Variants in ABCD4 observed in about 807,000 individuals in gnomAD.
The protein encoded by ABCD4 is lysosomal cobalamin transporter ABCD4.
A neutral mutation model predicts 86.3 loss-of-function variants in ABCD4; 53 were observed. That is an observed-to-expected ratio of 0.61 (90% confidence interval 0.49 to 0.77). ABCD4 has a LOEUF of 0.77. ABCD4 is among the 30% of genes least tolerant of loss of function. The pLI, the probability that ABCD4 is intolerant of heterozygous loss-of-function variation, is 0.00. For missense variants in ABCD4, 757 were observed against 764.5 expected, an observed-to-expected ratio of 0.99 and a Z score of 0.12; for synonymous variants, 328 against 313.6, an observed-to-expected ratio of 1.05 and a Z score of -0.49.
intron 14 of ABCD4, 103 bp from the exon 15 acceptor site, chr14:74,288,868 C>A: frequency 7.1e-7 from 1 of 1,404,582 alleles, no homozygotes; most frequent in Non-Finnish European, 9.7e-7. Context: ...AATCCCAACA[C>A]TTTGGGAGGC....
Position 74,297,923 on chromosome 14 carries a change from C to G in ABCD4, c.425+7G>C, listed in dbSNP as rs375608814. 1 of 1,609,834 alleles carries G rather than the reference C, an allele frequency of 6.2e-7. No homozygotes were observed. Among genetic ancestry groups the G allele is most frequent in the Non-Finnish European group, 8.5e-7 (1 of 1,178,478 alleles). On this transcript the variant is annotated splice_region_variant and intron_variant, in intron 4 of 18. Transcript: ENST00000356924. Reference sequence around the variant, plus strand: ...GAGTGTAGAAAGGACTGAGTTGGGGCGCCTACGGGTTATCGATGTCATCCC... The same window carrying G: ...GAGTGTAGAAAGGACTGAGTTGGGGGGCCTACGGGTTATCGATGTCATCCC...
At chr14:74,298,101 A>T (rs2083346864) in intron 3 of ABCD4, 32 bp from the exon 4 acceptor site, 5 of 1,607,058 alleles carry the variant, frequency 3.1e-6, no homozygotes, top group Non-Finnish European at 8.5e-7. Context: ...GGGAAGGGAG[A>T]GATGGCTTCC....
rs2079717277 is a variant in ABCD4, at chr14:74,286,276, T to TC, written c.*184dup. Reference sequence around the variant, plus strand: ...AGACTGAACACTGGGAGATTCAGTGTCCCCCACAGAAACCTAGACCTGGGC... The same window carrying TC: ...AGACTGAACACTGGGAGATTCAGTGTCCCCCCACAGAAACCTAGACCTGGGC... On this transcript the variant is annotated 3_prime_UTR_variant, in exon 19 of 19. Transcript: ENST00000356924. 2 of 607,626 alleles carry TC rather than the reference T, an allele frequency of 3.3e-6. No individual in the cohort carries two copies. The highest frequency in any genetic ancestry group is 5.6e-5 in the East Asian group (2 of 35,562). The allele number at this position is 607,626 out of a possible 1,614,324, so 37.6% of individuals were successfully genotyped here.
At chr14:74,299,766 A>G (rs2083837415) in intron 2 of ABCD4, 91 bp from the exon 3 acceptor site, 1 of 1,335,696 alleles carries the variant, frequency 7.5e-7, no homozygotes. Context: ...CAGCACCCCA[A>G]AGAGATGAAA....
At chr14:74,290,683 CTTTT>C (rs35144250) in intron 11 of ABCD4, among the ~76,000 whole-genome samples, 184 bp from the exon 12 acceptor site, 2 of 103,936 alleles carry the variant, frequency 1.9e-5, no homozygotes, top group Non-Finnish European at 1.9e-5. Context: ...GAGGCAGGGT[CTTTT>C]TTTTTTTTTT....
At chr14:74,291,241 T>C (rs2081407512) in intron 11 of ABCD4, among the ~76,000 whole-genome samples, 1 of 152,140 alleles carries the variant, frequency 6.6e-6, no homozygotes, top group African/African-American at 2.4e-5. Context: ...CGGTTTGTGG[T>C]TTTCTGTCAT....
At position 74,287,847 on chromosome 14, in the gene ABCD4, GGA is replaced by G. The variant is rs1390206641; in HGVS notation, c.1597_1598del (p.Ser533LeufsTer15). ...VLSPGEMQRL[S>X]FARLFYLQPK... is the part of the protein sequence containing the mutation. ...GCTGCAGGTAGAAGAGTCGGGCAAA[GGA>G]GAGCCGTTGCATCTCCCCCGGGGAC... On this transcript the variant is annotated frameshift_variant, in exon 17 of 19. Coordinates refer to ENST00000356924, the MANE Select transcript of ABCD4 (RefSeq NM_005050.4). LOFTEE classifies it high-confidence loss of function. 1 of 1,613,246 alleles carries G rather than the reference GGA, an allele frequency of 6.2e-7. No homozygotes were observed. Among genetic ancestry groups the G allele is most frequent in the African/African-American group, 1.3e-5 (1 of 74,928 alleles).
chr14:74,290,224 C>T (rs1486761928), intron 12 of ABCD4, 67 bp downstream of exon 12: 31 of 1,610,526 alleles, frequency 1.9e-5, no homozygotes, highest in South Asian at 1.6e-4. Context: ...TCTACCACAC[C>T]GTCCCCGCCT....
intron 1 of ABCD4, among the ~76,000 whole-genome samples, chr14:74,301,363 T>C (rs2084458754): frequency 6.6e-6 from 1 of 151,982 alleles, no homozygotes; most frequent in Non-Finnish European, 1.5e-5. Flanking sequence ...TTTCACCATG[T>C]TGCCCAGGCT....
chr14:74,292,464 TA>T, intron 10 of ABCD4, 86 bp downstream of exon 10: 1 of 1,586,150 alleles, frequency 6.3e-7, no homozygotes, highest in South Asian at 1.1e-5. Flanking sequence ...GAGTACATGG[TA>T]TGTCTCTGTT....
rs773137532 is a variant in ABCD4, at chr14:74,292,728, T to G, written c.936+20A>C. On this transcript the variant is annotated intron_variant, in intron 9 of 18. Coordinates refer to ENST00000356924, the MANE Select transcript of ABCD4 (RefSeq NM_005050.4). ...GGACAGAGAGGGACAGCATGTGGGG[T>G]GACCAAGAGGGAGTCTCACCTTGCT... is the stretch of plus-strand genomic sequence containing the variant. 1.9e-6 allele frequency: 3 copies of G among 1,613,860 alleles called. No homozygotes were observed. The highest frequency in any genetic ancestry group is 3.3e-5 in the Admixed American group (2 of 59,966).
intron 7 of ABCD4, 97 bp from the exon 8 acceptor site, chr14:74,293,345 G>A: frequency 1.8e-6 from 2 of 1,103,500 alleles, no homozygotes; most frequent in Non-Finnish European, 2.7e-6. Flanking sequence ...AGAAACCAAG[G>A]CCATTCAAAT....
At position 74,290,113 on chromosome 14, in the gene ABCD4, C is replaced by T. The variant is rs752485114; in HGVS notation, c.1333G>A (p.Val445Met). The change falls in exon 13 of 19, where the codon GTG becomes ATG. Residue 445 changes from valine to methionine, a missense_variant. Physicochemically the swap from Val to Met is conservative, Grantham distance 21 (BLOSUM62 1). Transcript: ENST00000356924. ...GGCCCAAAGTCCGTCAGCATCTGCA[C>T]TGAGCCTGCAGAGCCCACAGAAACC... Reference protein sequence around the residue: ...GGLWTSTRGSVQMLTDFGPHG... With the variant: ...GGLWTSTRGSMQMLTDFGPHG... The T allele has an allele frequency of 1.9e-5, 31 of 1,614,072 alleles. No homozygotes were observed. The highest frequency in any genetic ancestry group is 2.4e-5 in the Non-Finnish European group (28 of 1,180,038).
chr14:74,297,083 C>T (rs1231631402), intron 4 of ABCD4: 4 of 152,304 alleles, frequency 2.6e-5, no homozygotes. Flanking sequence ...AAGGAGACCC[C>T]CTATGTCTCA....
At chr14:74,301,301 G>C (rs566386189) in intron 1 of ABCD4, among the ~76,000 whole-genome samples, 1 of 151,676 alleles carries the variant, frequency 6.6e-6, no homozygotes, top group Non-Finnish European at 1.5e-5. Flanking sequence ...CTGGGAGTAC[G>C]GGCGTGCGTC....
chr14:74,289,771 G>A, intron 13 of ABCD4: 1 of 1,435,120 alleles, frequency 7.0e-7, no homozygotes, highest in Non-Finnish European at 9.1e-7. Context: ...GACCTTGGGT[G>A]TTTGACATAC....
At chr14:74,287,693 G>A (rs2080189251) in intron 17 of ABCD4, 117 bp downstream of exon 17, 4 of 959,370 alleles carry the variant, frequency 4.2e-6, no homozygotes, top group Non-Finnish European at 6.4e-6. Context: ...CTCTCCAGCA[G>A]GGAATGCGGA....
intron 2 of ABCD4, 85 bp from the exon 3 acceptor site, chr14:74,299,760 A>T: frequency 7.1e-7 from 1 of 1,409,710 alleles, no homozygotes; most frequent in Non-Finnish European, 9.8e-7. Context: ...CCTCATCAGC[A>T]CCCCAAAGAG....
chr14:74,291,908 C>T (rs147607941), intron 11 of ABCD4, among the ~76,000 whole-genome samples: 117 of 152,234 alleles, frequency 7.7e-4, no homozygotes, highest in African/African-American at 2.5e-3. Flanking sequence ...TACAGATCCA[C>T]GCAGACACAC....
Sources: gnomAD v4.1 joint callset for allele counts (sites outside exome capture counted in the v4.1 genomes callset) on GRCh38, gnomAD v4.1.1 for gene constraint, MANE v1.5 for transcripts, NCBI Gene and HGNC (gene_info 2026-07-23, HGNC 2026-07-21) for gene names.